Variants in IFT80 observed in about 807,000 individuals in gnomAD.
IFT80 encodes the protein intraflagellar transport protein 80 homolog.
IFT80 carries 79 observed loss-of-function variants against 107.9 expected under a neutral mutation model. The ratio of observed to expected loss-of-function variants is 0.73; its 90% CI spans 0.61 to 0.88. The LOEUF (loss-of-function observed/expected upper bound fraction) is 0.88, where lower values mean the gene tolerates loss of function less well. IFT80 is among the 40% of genes least tolerant of loss of function. The probability of loss-of-function intolerance (pLI) is 0.00; values close to 1 mark genes in which losing one functional copy is unlikely to be tolerated. For synonymous variants in IFT80, 299 were observed against 300.9 expected, an observed-to-expected ratio of 0.99 and a Z score of 0.07; for missense variants, 797 against 914.2, an observed-to-expected ratio of 0.87 and a Z score of 1.65.
chr3:160,268,601 C>A, intron 18 of IFT80, 65 bp from the exon 19 acceptor site: 1 of 1,500,956 alleles, frequency 6.7e-7, no homozygotes, highest in South Asian at 1.1e-5. Flanking sequence ...TAGTAGAGTT[C>A]TGGAGTTGGG....
chr3:160,311,019 G>A (rs978441514), intron 9 of IFT80, among the ~76,000 whole-genome samples: 1 of 152,136 alleles, frequency 6.6e-6, no homozygotes, highest in African/African-American at 2.4e-5. Context: ...CAGCTACTCG[G>A]GAGGCTGAAA....
At chr3:160,312,478 T>G (rs1343049580) in intron 9 of IFT80, among the ~76,000 whole-genome samples, 3 of 144,736 alleles carry the variant, frequency 2.1e-5, no homozygotes, top group African/African-American at 7.7e-5. Flanking sequence ...TGCCTGCTTC[T>G]GGACCTGAAG....
chr3:160,330,532 A>G (rs1719014236), intron 8 of IFT80, among the ~76,000 whole-genome samples: 1 of 152,182 alleles, frequency 6.6e-6, no homozygotes, highest in Non-Finnish European at 1.5e-5. Flanking sequence ...AAGTAGGAAT[A>G]ATAATACAAA....
At chr3:160,271,136 T>C (rs1713775732) in intron 18 of IFT80, among the ~76,000 whole-genome samples, 1 of 152,268 alleles carries the variant, frequency 6.6e-6, no homozygotes, top group South Asian at 2.1e-4. Flanking sequence ...AACATTCAAA[T>C]GATATGTGCT....
At position 160,307,736 on chromosome 3, in the gene IFT80, C is replaced by T; in HGVS notation, c.1003G>A (p.Asp335Asn). ...NDAVDLLEFR[D>N]RVIKASLNYA... The stretch of plus-strand genomic sequence containing the variant: ...TTCAAAGATGCTTTAATGACTCTAT[C>T]ACGGAATTCCAGTAAATCCACTGCA... The change falls in exon 10 of 20, where the codon GAT becomes AAT. Residue 335 changes from aspartate (D) to asparagine (N), a missense_variant. Coordinates refer to ENST00000326448, the MANE Select transcript of IFT80 (RefSeq NM_020800.3). The T allele has an allele frequency of 6.2e-7, 1 of 1,605,176 alleles. No individual in the cohort carries two copies. The highest frequency in any genetic ancestry group is 8.5e-7 in the Non-Finnish European group (1 of 1,172,044).
At position 160,258,770 on chromosome 3, in the gene IFT80, T is replaced by A. The variant is rs536517441; in HGVS notation, c.2224-135A>T. On this transcript the variant is annotated intron_variant, in intron 19 of 19. Transcript: ENST00000326448. The stretch of plus-strand genomic sequence containing the variant: ...AGAGAAAAAGAGAGCATCAAAAGAT[T>A]AGAGAAAAAGAGAGCATCAAAGTTA... 8 of 1,204,296 alleles carry A rather than the reference T, an allele frequency of 6.6e-6. No homozygotes were observed. In the East Asian group the frequency reaches 2.0e-4, roughly 31 times the overall value. The allele number at this position is 1,204,296 out of a possible 1,614,324, so 74.6% of individuals were successfully genotyped here.
chr3:160,304,879 T>C (rs1361136487), intron 10 of IFT80, among the ~76,000 whole-genome samples: 2 of 152,192 alleles, frequency 1.3e-5, no homozygotes, highest in Non-Finnish European at 2.9e-5. Context: ...AGTAATATGA[T>C]GAACATGATT....
At chr3:160,375,514 G>A (rs546553120) in intron 5 of IFT80, among the ~76,000 whole-genome samples, 9 of 152,038 alleles carry the variant, frequency 5.9e-5, no homozygotes, top group African/African-American at 4.8e-5. Context: ...TGCTTCAAAC[G>A]TTTCACAATT....
At chr3:160,356,344 TCA>T (rs1373027456) in intron 7 of IFT80, among the ~76,000 whole-genome samples, 194 bp from the exon 8 acceptor site, 1 of 152,206 alleles carries the variant, frequency 6.6e-6, no homozygotes, top group African/African-American at 2.4e-5. Flanking sequence ...GTCTTTACTA[TCA>T]CACAAGGGGA....
chr3:160,348,038 C>G (rs977006053), intron 8 of IFT80, among the ~76,000 whole-genome samples: 1 of 152,148 alleles, frequency 6.6e-6, no homozygotes, highest in Non-Finnish European at 1.5e-5. Context: ...AGCTCATTTC[C>G]TCCTGCTCAA....
At chr3:160,355,989 T>C (rs1721055155) in intron 8 of IFT80, 24 bp downstream of exon 8, 2 of 1,613,528 alleles carry the variant, frequency 1.2e-6, no homozygotes, top group Non-Finnish European at 1.7e-6. Flanking sequence ...AGCACATCTG[T>C]GATTGCTCAC....
chr3:160,378,890 T>A (rs1712252562), intron 3 of IFT80, among the ~76,000 whole-genome samples: 1 of 152,050 alleles, frequency 6.6e-6, no homozygotes, highest in Admixed American at 6.6e-5. Context: ...AAAATCACCA[T>A]TTGGCAAACT....
chr3:160,322,388 G>A (rs1383414650), intron 8 of IFT80, among the ~76,000 whole-genome samples: 1 of 151,828 alleles, frequency 6.6e-6, no homozygotes, highest in Non-Finnish European at 1.5e-5. Flanking sequence ...TGGCTGCATA[G>A]TATTCCATGG....
intron 1 of IFT80, among the ~76,000 whole-genome samples, chr3:160,385,560 TC>T (rs1214246966): frequency 6.6e-6 from 1 of 152,218 alleles, no homozygotes; most frequent in Admixed American, 6.5e-5. Context: ...TTCTCATGAA[TC>T]CAAGAACCTT....
At chr3:160,278,502 C>T (rs113859233) in intron 16 of IFT80, among the ~76,000 whole-genome samples, 57 of 152,258 alleles carry the variant, frequency 3.7e-4, no homozygotes, top group African/African-American at 1.2e-3. Context: ...CCACTTTTCC[C>T]TTTTTGGATT....
At chr3:160,260,463 A>G (rs1309966801) in intron 19 of IFT80, among the ~76,000 whole-genome samples, 1 of 151,758 alleles carries the variant, frequency 6.6e-6, no homozygotes, top group Non-Finnish European at 1.5e-5. Flanking sequence ...AAAACCATAC[A>G]TTGATAATAT....
At chr3:160,355,918 C>A in intron 8 of IFT80, 95 bp downstream of exon 8, 1 of 1,342,744 alleles carries the variant, frequency 7.4e-7, no homozygotes, top group South Asian at 1.2e-5. Context: ...CAGATGCATC[C>A]ATTGAAAATG....
intron 8 of IFT80, among the ~76,000 whole-genome samples, chr3:160,350,027 T>G (rs1297486733): frequency 6.6e-6 from 1 of 152,170 alleles, no homozygotes; most frequent in Non-Finnish European, 1.5e-5. Flanking sequence ...CAACTATAAT[T>G]AAATAACTGA....
At chr3:160,292,036 C>T (rs970858855) in intron 12 of IFT80, among the ~76,000 whole-genome samples, 1 of 152,154 alleles carries the variant, frequency 6.6e-6, no homozygotes, top group African/African-American at 2.4e-5. Context: ...CTGCAGATGG[C>T]TATAGGGCAG....
Sources: gnomAD v4.1 joint callset for allele counts (sites outside exome capture counted in the v4.1 genomes callset) on GRCh38, gnomAD v4.1.1 for gene constraint, MANE v1.5 for transcripts, NCBI Gene and HGNC (gene_info 2026-07-23, HGNC 2026-07-21) for gene names.